The following HEMK2 variants were observed in gnomAD, a reference collection of about 807,000 sequenced individuals.
HEMK2 encodes the protein HemK methyltransferase 2, ETF1 glutamine and histone H4 lysine.
At chr21:28,701,095 A>G in the HEMK2 span, among the ~76,000 whole-genome samples, 1 of 152,284 alleles carries the variant, frequency 6.6e-6, no homozygotes, top group South Asian at 2.1e-4. Context: ...ATAAACTCCA[A>G]CATGCCTTCA....
At chr21:28,592,543 A>G in the HEMK2 span, among the ~76,000 whole-genome samples, 1 of 152,248 alleles carries the variant, frequency 6.6e-6, no homozygotes, top group Non-Finnish European at 1.5e-5. Context: ...AAAATTAAAG[A>G]GAGGCTTCTA....
the HEMK2 span, among the ~76,000 whole-genome samples, chr21:28,846,485 C>T: frequency 6.6e-6 from 1 of 152,266 alleles, no homozygotes; most frequent in South Asian, 2.1e-4. Context: ...TTAACAATAG[C>T]CATTCTAACT....
the HEMK2 span, among the ~76,000 whole-genome samples, chr21:28,720,135 G>A: frequency 6.6e-6 from 1 of 152,302 alleles, no homozygotes; most frequent in African/African-American, 2.4e-5. Flanking sequence ...TCAAACCTGA[G>A]CTACAGTATT....
the HEMK2 span, among the ~76,000 whole-genome samples, chr21:28,768,513 G>A: frequency 1.3e-5 from 2 of 152,000 alleles, no homozygotes; most frequent in Non-Finnish European, 2.9e-5. Flanking sequence ...GAGGAAATCA[G>A]ACCTTATTCT....
chr21:28,590,655 T>G, the HEMK2 span, among the ~76,000 whole-genome samples: 726 of 152,348 alleles, frequency 4.8e-3, 6 homozygotes, highest in African/African-American at 0.016. Flanking sequence ...ATAAAGCATC[T>G]GCCAATTATG....
the HEMK2 span, chr21:28,874,950 G>C: frequency 6.6e-6 from 1 of 152,254 alleles, no homozygotes; most frequent in African/African-American, 2.4e-5. Context: ...TGTCCTTCAA[G>C]GTAGCCCAGA....
At chr21:28,699,278 A>G in the HEMK2 span, among the ~76,000 whole-genome samples, 1 of 152,212 alleles carries the variant, frequency 6.6e-6, no homozygotes, top group Non-Finnish European at 1.5e-5. Context: ...CTTATTTCTT[A>G]CCATTCTGGA....
chr21:28,829,213 C>T, the HEMK2 span, among the ~76,000 whole-genome samples: 1 of 152,308 alleles, frequency 6.6e-6, no homozygotes, highest in Non-Finnish European at 1.5e-5. Flanking sequence ...ACACAGTAAG[C>T]ACTTAGTCAT....
chr21:28,855,127 T>C, the HEMK2 span, among the ~76,000 whole-genome samples: 1 of 152,046 alleles, frequency 6.6e-6, no homozygotes, highest in African/African-American at 2.4e-5. Context: ...CTATTTCTTA[T>C]ATAATGACAC....
the HEMK2 span, among the ~76,000 whole-genome samples, chr21:28,724,686 T>C: frequency 2.0e-5 from 3 of 152,228 alleles, no homozygotes; most frequent in Non-Finnish European, 4.4e-5. Context: ...CCAAAAGAAT[T>C]CCCCTAAACA....
chr21:28,690,681 T>C, the HEMK2 span, among the ~76,000 whole-genome samples: 1 of 152,084 alleles, frequency 6.6e-6, no homozygotes, highest in African/African-American at 2.4e-5. Flanking sequence ...AAGAAACCAC[T>C]CTCTTGCCTT....
the HEMK2 span, among the ~76,000 whole-genome samples, chr21:28,608,283 C>T: frequency 1.3e-5 from 2 of 150,818 alleles, no homozygotes; most frequent in Non-Finnish European, 1.5e-5. Flanking sequence ...TTTCATTCTC[C>T]AATTTTAAAA....
chr21:28,696,099 T>G, the HEMK2 span, among the ~76,000 whole-genome samples: 32 of 150,934 alleles, frequency 2.1e-4, no homozygotes, highest in African/African-American at 7.7e-4. Flanking sequence ...GAGAGCCAAG[T>G]GAAAGGGGTT....
At chr21:28,824,319 GA>G in the HEMK2 span, among the ~76,000 whole-genome samples, 1 of 152,314 alleles carries the variant, frequency 6.6e-6, no homozygotes, top group African/African-American at 2.4e-5. Flanking sequence ...ACGACAGGAA[GA>G]AATCACTCCT....
the HEMK2 span, among the ~76,000 whole-genome samples, chr21:28,727,025 C>T: frequency 0.072 from 10,911 of 152,058 alleles, 489 homozygotes; most frequent in Middle Eastern, 0.13. Context: ...GGTCCCTTTG[C>T]TTGGGTTTTT....
At chr21:28,761,716 A>G in the HEMK2 span, among the ~76,000 whole-genome samples, 1 of 151,942 alleles carries the variant, frequency 6.6e-6, no homozygotes, top group Admixed American at 6.6e-5. Flanking sequence ...CATTTGCCAC[A>G]TACAATGCAC....
chr21:28,603,685 C>T, the HEMK2 span, among the ~76,000 whole-genome samples: 5 of 151,872 alleles, frequency 3.3e-5, no homozygotes, highest in Non-Finnish European at 7.4e-5. Context: ...ATGACTACAA[C>T]CCCAAGAAGG....
chr21:28,856,712 T>C, the HEMK2 span, among the ~76,000 whole-genome samples: 1 of 152,280 alleles, frequency 6.6e-6, no homozygotes, highest in South Asian at 2.1e-4. Flanking sequence ...CCCCCACCCC[T>C]AGCCAAGGGA....
the HEMK2 span, among the ~76,000 whole-genome samples, chr21:28,628,586 G>A: frequency 2.0e-5 from 3 of 152,280 alleles, no homozygotes; most frequent in African/African-American, 4.8e-5. Flanking sequence ...CAAGCTAGCT[G>A]GAATTACAGG....
Sources: gnomAD v4.1 joint callset for allele counts (sites outside exome capture counted in the v4.1 genomes callset) on GRCh38, gnomAD v4.1.1 for gene constraint, MANE v1.5 for transcripts, NCBI Gene and HGNC (gene_info 2026-07-23, HGNC 2026-07-21) for gene names.